The following SHANK2 variants were observed in gnomAD, a reference collection of about 807,000 sequenced individuals.
SHANK2 encodes the protein SH3 and multiple ankyrin repeat domains protein 2.
SHANK2 carries 43 observed loss-of-function variants against 133.7 expected under a neutral mutation model. That is an observed-to-expected ratio of 0.32 (90% CI 0.25 to 0.41). The LOEUF (loss-of-function observed/expected upper bound fraction) is 0.41, where lower values mean the gene tolerates loss of function less well. Among genes scored for constraint, SHANK2 ranks in the 10% least tolerant of loss-of-function variants. The pLI is 1.00. For synonymous variants in SHANK2, 1,017 were observed against 952.8 expected, an observed-to-expected ratio of 1.07 and a Z score of -1.24; for missense variants, 1,994 against 2,235.8, an observed-to-expected ratio of 0.89 and a Z score of 2.18.
At chr11:70,901,990 G>A (rs1950029457) in intron 10 of SHANK2, among the ~76,000 whole-genome samples, 1 of 152,330 alleles carries the variant, frequency 6.6e-6, no homozygotes, top group South Asian at 2.1e-4. Flanking sequence ...GGCCTTGGGA[G>A]GCATCTGGGG....
At chr11:70,540,941 A>G (rs2136027342) in intron 17 of SHANK2, among the ~76,000 whole-genome samples, 1 of 151,340 alleles carries the variant, frequency 6.6e-6, no homozygotes, top group South Asian at 2.1e-4. Flanking sequence ...GAACATTCTC[A>G]TCTTCCCAAA....
chr11:70,829,856 G>A (rs1555057913), intron 11 of SHANK2, among the ~76,000 whole-genome samples: 2 of 152,142 alleles, frequency 1.3e-5, no homozygotes, highest in East Asian at 3.9e-4. Flanking sequence ...TGCCACACGG[G>A]GTCTTCTGGT....
chr11:70,874,121 T>A (rs1354451823), intron 11 of SHANK2, among the ~76,000 whole-genome samples: 21 of 152,136 alleles, frequency 1.4e-4, no homozygotes, highest in Non-Finnish European at 4.4e-5. Flanking sequence ...ATCTATCTAA[T>A]CTATCCTATC....
intron 21 of SHANK2, among the ~76,000 whole-genome samples, chr11:70,497,662 G>T (rs1350598415): frequency 6.6e-6 from 1 of 152,240 alleles, no homozygotes; most frequent in Non-Finnish European, 1.5e-5. Context: ...TGGACCACGG[G>T]CTGACTTCAG....
intron 14 of SHANK2, among the ~76,000 whole-genome samples, chr11:70,737,620 C>T (rs553548865): frequency 4.9e-4 from 75 of 152,340 alleles, no homozygotes; most frequent in Admixed American, 1.4e-3. Flanking sequence ...AAGGCTTCCG[C>T]GCTCCCTGAC....
intron 25 of SHANK2, chr11:70,474,376 C>G (rs2058636454): frequency 6.6e-6 from 1 of 152,276 alleles, no homozygotes; most frequent in Non-Finnish European, 1.5e-5. Context: ...GCCCTCAGAG[C>G]TCAAGTCAGG....
intron 2 of SHANK2, among the ~76,000 whole-genome samples, chr11:71,210,672 C>T (rs1401243691): frequency 2.6e-5 from 4 of 152,180 alleles, no homozygotes; most frequent in Admixed American, 6.5e-5. Flanking sequence ...GACCAGATCA[C>T]TCCATCCACC....
intron 6 of SHANK2, among the ~76,000 whole-genome samples, chr11:71,096,700 G>A (rs1308520071): frequency 6.6e-6 from 1 of 152,176 alleles, no homozygotes; most frequent in Non-Finnish European, 1.5e-5. Context: ...TCGGGGCAAG[G>A]TTAGCCTTCA....
At chr11:70,744,601 A>G (rs1464796443) in intron 14 of SHANK2, among the ~76,000 whole-genome samples, 4 of 152,184 alleles carry the variant, frequency 2.6e-5, no homozygotes, top group Admixed American at 1.3e-4. Flanking sequence ...TGGTCCTGGC[A>G]TCTCTCTGTG....
intron 14 of SHANK2, among the ~76,000 whole-genome samples, chr11:70,791,593 A>C (rs1279168031): frequency 6.6e-5 from 10 of 152,240 alleles, no homozygotes; most frequent in African/African-American, 2.2e-4. Flanking sequence ...AAAGAAGTCT[A>C]CTCAGAGCTA....
At chr11:70,938,785 T>G (rs1374578304) in intron 10 of SHANK2, among the ~76,000 whole-genome samples, 1 of 152,046 alleles carries the variant, frequency 6.6e-6, no homozygotes, top group Non-Finnish European at 1.5e-5. Flanking sequence ...AGAGTCAGGC[T>G]AGTGGACTCC....
chr11:70,567,416 C>G (rs1451592037), intron 17 of SHANK2, among the ~76,000 whole-genome samples: 1 of 152,042 alleles, frequency 6.6e-6, no homozygotes, highest in African/African-American at 2.4e-5. Flanking sequence ...ATCACGAGGT[C>G]AGGAGTTTGA....
chr11:71,134,292 C>A (rs1555104366), intron 3 of SHANK2, among the ~76,000 whole-genome samples: 1 of 151,354 alleles, frequency 6.6e-6, no homozygotes, highest in African/African-American at 2.4e-5. Flanking sequence ...GAAGTGACTG[C>A]CAACAGGGGT....
intron 17 of SHANK2, among the ~76,000 whole-genome samples, chr11:70,554,069 T>C (rs2059801111): frequency 6.6e-6 from 1 of 152,232 alleles, no homozygotes. Flanking sequence ...CAACCTTGCT[T>C]TGCCTTCTCC....
At chr11:70,608,905 G>A (rs1386534431) in intron 17 of SHANK2, among the ~76,000 whole-genome samples, 2 of 152,226 alleles carry the variant, frequency 1.3e-5, no homozygotes, top group African/African-American at 2.4e-5. Context: ...GATGTGGCAC[G>A]GTTTTGAATA....
intron 17 of SHANK2, among the ~76,000 whole-genome samples, chr11:70,658,856 C>T (rs919449610): frequency 4.6e-5 from 7 of 152,230 alleles, no homozygotes; most frequent in South Asian, 2.1e-4. Context: ...CTGGATGCCA[C>T]GTACCCACCC....
intron 2 of SHANK2, among the ~76,000 whole-genome samples, chr11:71,156,695 T>C (rs782397825): frequency 7.9e-5 from 12 of 152,220 alleles, no homozygotes; most frequent in Non-Finnish European, 1.5e-4. Flanking sequence ...TGTAACTGGA[T>C]AGAACAAAAA....
intron 11 of SHANK2, chr11:70,872,314 C>T (rs1170603810): frequency 6.5e-6 from 1 of 154,440 alleles, no homozygotes; most frequent in African/African-American, 2.4e-5. Flanking sequence ...CCTGAGAGCT[C>T]GTGTTGGAAG....
At chr11:71,252,957 G>C (rs1555126134), upstream of SHANK2, among the ~76,000 whole-genome samples, 1 of 152,246 alleles carries the variant, frequency 6.6e-6, no homozygotes, top group Non-Finnish European at 1.5e-5. The surrounding 1 kb of genome is among the most constrained non-coding windows in gnomAD (Gnocchi z 6.3). Context: ...CCGCCACAGA[G>C]TATTTATAAT....
Sources: allele counts gnomAD v4.1 joint callset (sites outside exome capture counted in the v4.1 genomes callset), GRCh38; gene constraint gnomAD v4.1.1; non-coding constraint Gnocchi (gnomAD v3.1); transcripts MANE v1.5; gene names NCBI Gene and HGNC (gene_info 2026-07-23, HGNC 2026-07-21).